Variants in CTTNBP2 observed in about 807,000 individuals in gnomAD.
The protein encoded by CTTNBP2 is cortactin binding protein 2, also known as cortactin-binding protein 2.
Under a neutral mutation model 156.9 loss-of-function variants are expected in CTTNBP2, and 108 were observed. The ratio of observed to expected loss-of-function variants is 0.69; its 90% CI spans 0.59 to 0.81. The LOEUF is 0.81. Ranked by LOEUF, CTTNBP2 falls within the 30% of genes least tolerant of loss-of-function variation. The pLI is 0.00. For missense variants in CTTNBP2, 1,924 were observed against 2,035.4 expected (o/e 0.95, Z 1.05); for synonymous variants, 767 against 751.8 (o/e 1.02, Z -0.33).
At chr7:117,773,230 A>T (rs935045323) in intron 8 of CTTNBP2, among the ~76,000 whole-genome samples, 4 of 152,192 alleles carry the variant, frequency 2.6e-5, no homozygotes, top group Admixed American at 2.6e-4. Context: ...TTCTTGTTGC[A>T]TCCAATTCCT....
In CTTNBP2 at chr7:117,784,365, G is replaced by A; in HGVS notation, c.2158C>T (p.Gln720Ter). The A allele has an allele frequency of 6.2e-7, 1 of 1,613,826 alleles. No individual in the cohort carries two copies. The highest frequency in any genetic ancestry group is 8.5e-7 in the Non-Finnish European group (1 of 1,179,928). The change falls in exon 5 of 23, where the codon CAG (glutamine) becomes TAG (stop). Residue 720 changes from glutamine (Q) to a stop codon, truncating the protein, a stop_gained. Coordinates refer to ENST00000160373, the MANE Select transcript of CTTNBP2 (RefSeq NM_033427.3). LOFTEE classifies it high-confidence loss of function. ...ATTGATAATAAAGTGACATTTCCCT[G>A]GGCAGCAGCTTGCTGAAGAAGGGTG... ...RPTLLQQAAAQGNVTLLSMLL... is the reference protein window; with the variant it reads ...RPTLLQQAAA
intron 1 of CTTNBP2, chr7:117,871,793 CCACACACACACA>C (rs10545703): frequency 1.4e-5 from 3 of 213,334 alleles, no homozygotes; most frequent in African/African-American, 2.7e-5. Context: ...AAGAAACACA[CCACACACACACA>C]CACACACACA....
intron 10 of CTTNBP2, among the ~76,000 whole-genome samples, chr7:117,759,663 T>C (rs758895212): frequency 6.6e-6 from 1 of 152,216 alleles, no homozygotes; most frequent in African/African-American, 2.4e-5. Context: ...TCAGACAGAA[T>C]ATGATTTGAA....
chr7:117,841,171 C>T (rs1802251757), intron 2 of CTTNBP2, among the ~76,000 whole-genome samples: 1 of 152,114 alleles, frequency 6.6e-6, no homozygotes, highest in East Asian at 1.9e-4. Flanking sequence ...AACTTCTTTA[C>T]TATCTGGCCT....
chr7:117,777,426 T>C (rs933153534), intron 8 of CTTNBP2, 85 bp downstream of exon 8: 6 of 1,368,122 alleles, frequency 4.4e-6, no homozygotes, highest in South Asian at 1.4e-5. Flanking sequence ...AATTATTCAA[T>C]TTAAGTGCAC....
chr7:117,825,048 T>C (rs1801198236), intron 2 of CTTNBP2, among the ~76,000 whole-genome samples: 1 of 152,182 alleles, frequency 6.6e-6, no homozygotes, highest in Admixed American at 6.5e-5. Context: ...TTTCTGAATA[T>C]ATTTACTGCC....
intron 2 of CTTNBP2, among the ~76,000 whole-genome samples, chr7:117,850,827 T>C (rs982809470): frequency 3.9e-5 from 6 of 152,344 alleles, no homozygotes; most frequent in African/African-American, 1.4e-4. Flanking sequence ...GTTAGTGTTC[T>C]TTACTAGACA....
chr7:117,846,010 C>G (rs749423982), intron 2 of CTTNBP2, among the ~76,000 whole-genome samples: 1 of 150,470 alleles, frequency 6.6e-6, no homozygotes, highest in African/African-American at 2.4e-5. Flanking sequence ...GCCACCACGC[C>G]CGGCTAATTT....
At chr7:117,763,429 A>G (rs1797308767) in intron 9 of CTTNBP2, among the ~76,000 whole-genome samples, 1 of 152,188 alleles carries the variant, frequency 6.6e-6, no homozygotes, top group South Asian at 2.1e-4. Context: ...TCTATTTGCC[A>G]AATGCAATCG....
At chr7:117,873,221 G>C (rs1259734711) in intron 1 of CTTNBP2, 114 bp downstream of exon 1, 1 of 798,714 alleles carries the variant, frequency 1.3e-6, no homozygotes, top group Non-Finnish European at 1.7e-6. Context: ...GCACCGGAGA[G>C]TCCCGGGCTT....
At chr7:117,836,068 T>C (rs1026006948) in intron 2 of CTTNBP2, among the ~76,000 whole-genome samples, 3 of 152,172 alleles carry the variant, frequency 2.0e-5, no homozygotes, top group Non-Finnish European at 4.4e-5. Flanking sequence ...GGATAATTGA[T>C]ATCTCCCTAT....
rs1283673575 is a variant in CTTNBP2 at position 117,791,266 on chromosome 7, G to A, written c.1930C>T (p.Pro644Ser). The A allele has an allele frequency of 1.2e-6, 2 of 1,613,994 alleles. No homozygotes were observed. Among genetic ancestry groups the A allele is most frequent in the East Asian group, 2.2e-5 (1 of 44,880 alleles). ...GAACATGCAGGTTGGTTCAGTCCGGGGGTTGCAGCAGGCCAGGCACCCACC... is the reference window on the plus strand; with the variant it reads ...GAACATGCAGGTTGGTTCAGTCCGGAGGTTGCAGCAGGCCAGGCACCCACC... ...SQVGAWPAAT[P>S]GLNQPACSDS... The change falls in exon 4 of 23, where the codon CCC becomes TCC. Residue 644 changes from proline (P) to serine (S), a missense_variant. Transcript: ENST00000160373.
chr7:117,805,511 T>G (rs1799877934), intron 3 of CTTNBP2, among the ~76,000 whole-genome samples: 2 of 152,326 alleles, frequency 1.3e-5, no homozygotes, highest in South Asian at 4.1e-4. Flanking sequence ...AATAATAGCC[T>G]CTACAGTATG....
At chr7:117,763,560 T>C (rs1032173506) in intron 9 of CTTNBP2, among the ~76,000 whole-genome samples, 64 of 115,912 alleles carry the variant, frequency 5.5e-4, no homozygotes, top group African/African-American at 1.3e-3. Flanking sequence ...TTCTTCTTTT[T>C]TTTTTTTTTT....
chr7:117,856,153 C>T (rs1803302670), intron 2 of CTTNBP2, among the ~76,000 whole-genome samples: 1 of 152,176 alleles, frequency 6.6e-6, no homozygotes. Flanking sequence ...GGCTCCTATG[C>T]AACTAGGAAA....
chr7:117,801,452 A>G (rs1799598880), intron 3 of CTTNBP2, among the ~76,000 whole-genome samples: 1 of 152,206 alleles, frequency 6.6e-6, no homozygotes, highest in Non-Finnish European at 1.5e-5. Flanking sequence ...TGCAGCTTAA[A>G]GGAGACTAAA....
Position 117,773,236 on chromosome 7 carries a change from T to C in CTTNBP2, c.2778+4275A>G, listed in dbSNP as rs544208943. Reference sequence around the variant, plus strand: ...ATTATCTTGTTCTTGTTGCATCCAATTCCTAGGAAGATGGAATCCAAGTGT... The same window carrying C: ...ATTATCTTGTTCTTGTTGCATCCAACTCCTAGGAAGATGGAATCCAAGTGT... On this transcript the variant is annotated intron_variant, in intron 8 of 22. Transcript: ENST00000160373. 7.9e-5 allele frequency among the ~76,000 whole-genome samples: 12 copies of C among 152,300 alleles called. No individual in the cohort carries two copies. In the South Asian group the frequency reaches 2.5e-3, roughly 32 times the overall value.
chr7:117,867,388 TACTTC>T (rs1563080089), intron 1 of CTTNBP2, among the ~76,000 whole-genome samples: 1 of 152,188 alleles, frequency 6.6e-6, no homozygotes, highest in African/African-American at 2.4e-5. Flanking sequence ...TCTGCTCTAT[TACTTC>T]ACTTGGCAGT....
rs139152540 is a variant in CTTNBP2, at chr7:117,791,917, T to C, written c.1279A>G (p.Ser427Gly). ...GTGTTGGCACATGGTGAATGTAAACTGTGCATAGGTGGAGCTTGCGAGTTC... is the reference window on the plus strand; with the variant it reads ...GTGTTGGCACATGGTGAATGTAAACCGTGCATAGGTGGAGCTTGCGAGTTC... ...PQNSQAPPMH[S>G]LHSPCANTSL... Residue 427 changes from serine (S) to glycine (G), a missense_variant, in exon 4 of 23, where the codon AGT (serine) becomes GGT (glycine). Coordinates refer to ENST00000160373, the MANE Select transcript of CTTNBP2 (RefSeq NM_033427.3). 4.8e-5 allele frequency: 77 copies of C among 1,614,196 alleles called. No individual in the cohort carries two copies. The African/African-American group carries it at 8.3e-4, about 17-fold the overall frequency.
Sources: allele counts gnomAD v4.1 joint callset (sites outside exome capture counted in the v4.1 genomes callset), GRCh38; gene constraint gnomAD v4.1.1; transcripts MANE v1.5; gene names NCBI Gene and HGNC (gene_info 2026-07-23, HGNC 2026-07-21).